The following OR3A2 variants were observed in gnomAD, a reference collection of about 807,000 sequenced individuals.
OR3A2 encodes the protein olfactory receptor 3A2.
For synonymous variants in OR3A2, 126 were observed against 159.3 expected (o/e 0.79, Z 1.57); for missense variants, 318 against 392.8 (o/e 0.81, Z 1.61).
At chr17:3,349,201 T>G (rs950866876) in intron 2 of OR3A2, among the ~76,000 whole-genome samples, 12 of 152,044 alleles carry the variant, frequency 7.9e-5, no homozygotes, top group African/African-American at 2.9e-4. Flanking sequence ...TAAATGTAAA[T>G]GGACTAAATG....
intron 2 of OR3A2, among the ~76,000 whole-genome samples, chr17:3,356,797 G>T (rs747579243): frequency 2.0e-5 from 3 of 151,592 alleles, no homozygotes; most frequent in Non-Finnish European, 2.9e-5. Flanking sequence ...TAAGTTTATA[G>T]TAACTATATA....
intron 2 of OR3A2, among the ~76,000 whole-genome samples, chr17:3,378,646 G>A (rs1342946066): frequency 6.6e-6 from 1 of 152,096 alleles, no homozygotes; most frequent in African/African-American, 2.4e-5. Flanking sequence ...CTCCCCTGCT[G>A]CAGCTGGCAT....
At chr17:3,283,003 T>C (rs547366965) in intron 1 of OR3A2, among the ~76,000 whole-genome samples, 1 of 150,866 alleles carries the variant, frequency 6.6e-6, no homozygotes, top group African/African-American at 2.5e-5. Flanking sequence ...CTTCTTCCTC[T>C]CTTCTGCTCT....
intron 3 of OR3A2, among the ~76,000 whole-genome samples, chr17:3,315,267 C>T (rs1277166101): frequency 6.6e-6 from 1 of 152,216 alleles, no homozygotes; most frequent in Non-Finnish European, 1.5e-5. Flanking sequence ...CTCCAGACTG[C>T]TTTCCACAGG....
chr17:3,333,729 G>A (rs2049257319), intron 3 of OR3A2, among the ~76,000 whole-genome samples: 1 of 152,028 alleles, frequency 6.6e-6, no homozygotes, highest in African/African-American at 2.4e-5. Context: ...AAAAGCAATT[G>A]CAACAAAAGA....
intron 2 of OR3A2, among the ~76,000 whole-genome samples, chr17:3,361,322 G>A (rs1367826028): frequency 1.3e-5 from 2 of 151,576 alleles, no homozygotes; most frequent in Non-Finnish European, 2.9e-5. Flanking sequence ...GGGCTGACAT[G>A]ATGGGGTTTT....
At chr17:3,372,807 G>C (rs2049642256) in intron 2 of OR3A2, among the ~76,000 whole-genome samples, 1 of 148,084 alleles carries the variant, frequency 6.8e-6, no homozygotes, top group Admixed American at 6.8e-5. Flanking sequence ...ATCAGAGGGA[G>C]ACCATGGAAA....
chr17:3,380,134 C>G (rs968952639), intron 2 of OR3A2, among the ~76,000 whole-genome samples: 3 of 152,192 alleles, frequency 2.0e-5, no homozygotes, highest in African/African-American at 7.2e-5. Flanking sequence ...GCTGTAACTC[C>G]CCCTTTGCCT....
At chr17:3,278,092 C>T (rs768369421) in exon 2 of OR3A2, 5 of 1,614,124 alleles carry the variant, frequency 3.1e-6, no homozygotes, top group Admixed American at 1.7e-5. Context: ...ACTCCAACCC[C>T]TTTATCCTTG....
intron 2 of OR3A2, among the ~76,000 whole-genome samples, chr17:3,344,164 T>G (rs953656993): frequency 3.9e-5 from 6 of 152,220 alleles, no homozygotes; most frequent in African/African-American, 1.4e-4. Context: ...GTTACAAAAA[T>G]GAGCCAAAGA....
intron 3 of OR3A2, among the ~76,000 whole-genome samples, chr17:3,330,711 C>T (rs2150641879): frequency 6.6e-6 from 1 of 152,046 alleles, no homozygotes; most frequent in East Asian, 1.9e-4. Context: ...AGTCCATTTA[C>T]ATTTACAGTT....
At chr17:3,353,975 C>A (rs2049442085) in intron 2 of OR3A2, among the ~76,000 whole-genome samples, 1 of 151,484 alleles carries the variant, frequency 6.6e-6, no homozygotes, top group Non-Finnish European at 1.5e-5. Context: ...GGAAGGGTAT[C>A]ACATTGATTT....
At chr17:3,368,825 G>C (rs2049585780) in intron 2 of OR3A2, among the ~76,000 whole-genome samples, 1 of 152,140 alleles carries the variant, frequency 6.6e-6, no homozygotes, top group African/African-American at 2.4e-5. Context: ...ATTGCTTTTA[G>C]TGGTATGGTC....
At chr17:3,324,263 A>AT (rs529166842) in intron 3 of OR3A2, among the ~76,000 whole-genome samples, 74 of 151,460 alleles carry the variant, frequency 4.9e-4, no homozygotes, top group Non-Finnish European at 7.8e-4. Context: ...ATTCGTCTTG[A>AT]TTTTTTTTCA....
chr17:3,314,017 T>TA (rs1420961927), intron 3 of OR3A2, among the ~76,000 whole-genome samples: 1 of 152,228 alleles, frequency 6.6e-6, no homozygotes, highest in East Asian at 1.9e-4. Context: ...GAAAATTTTT[T>TA]AAAGATAAAT....
intron 3 of OR3A2, among the ~76,000 whole-genome samples, chr17:3,314,455 G>T (rs1208979313): frequency 2.6e-5 from 4 of 152,092 alleles, no homozygotes; most frequent in African/African-American, 9.7e-5. Context: ...GACATGAGAA[G>T]TTGTATAGCA....
At chr17:3,351,938 T>C (rs1283804589) in intron 2 of OR3A2, among the ~76,000 whole-genome samples, 1 of 152,150 alleles carries the variant, frequency 6.6e-6, no homozygotes, top group Non-Finnish European at 1.5e-5. Context: ...GGGGAAAGGA[T>C]TCCCTACTTA....
At chr17:3,314,085 C>G (rs1338992978) in intron 3 of OR3A2, among the ~76,000 whole-genome samples, 1 of 152,146 alleles carries the variant, frequency 6.6e-6, no homozygotes, top group Non-Finnish European at 1.5e-5. Context: ...AAAAGGCTTC[C>G]TAACTTTGTG....
chr17:3,305,650 A>G (rs892023508), intron 3 of OR3A2, among the ~76,000 whole-genome samples: 1 of 152,266 alleles, frequency 6.6e-6, no homozygotes, highest in African/African-American at 2.4e-5. Context: ...TGCAAATGGT[A>G]GCATATTAGA....
Sources: allele counts gnomAD v4.1 joint callset (sites outside exome capture counted in the v4.1 genomes callset), GRCh38; gene constraint gnomAD v4.1.1; transcripts MANE v1.5; gene names NCBI Gene and HGNC (gene_info 2026-07-23, HGNC 2026-07-21).